The following RINT1 variants were observed in gnomAD, a reference collection of about 807,000 sequenced individuals.
RINT1 encodes the protein RAD50 interactor 1, also known as RAD50-interacting protein 1.
A neutral mutation model predicts 97.7 loss-of-function variants in RINT1; 75 were observed. That is an observed-to-expected ratio of 0.77 (90% CI 0.64 to 0.93). The LOEUF (loss-of-function observed/expected upper bound fraction) is 0.93, where lower values mean the gene tolerates loss of function less well. Among genes scored for constraint, RINT1 ranks in the 40% least tolerant of loss-of-function variants. The pLI is 0.00. For synonymous variants in RINT1, 303 were observed against 326.3 expected (o/e 0.93, Z 0.77); for missense variants, 892 against 925.2 (o/e 0.96, Z 0.47).
chr7:105,556,424 CTTGA>C (rs1449112445), intron 11 of RINT1, among the ~76,000 whole-genome samples: 1 of 151,660 alleles, frequency 6.6e-6, no homozygotes, highest in East Asian at 1.9e-4. Flanking sequence ...CCCCCCAATA[CTTGA>C]TTATTTTGAA....
chr7:105,534,133 C>T (rs1049984841), intron 2 of RINT1, among the ~76,000 whole-genome samples: 3 of 151,754 alleles, frequency 2.0e-5, no homozygotes, highest in African/African-American at 4.8e-5. Flanking sequence ...TGCAGTGGCG[C>T]GATCTCGCCT....
intron 14 of RINT1, 97 bp downstream of exon 14, chr7:105,565,745 T>G (rs1400947940): frequency 2.6e-6 from 2 of 765,148 alleles, no homozygotes; most frequent in Non-Finnish European, 4.3e-6. Context: ...TTGGGTGGGA[T>G]AAGATCAGTT....
chr7:105,562,281 C>T (rs1434818558), intron 11 of RINT1, among the ~76,000 whole-genome samples: 2 of 152,086 alleles, frequency 1.3e-5, no homozygotes, highest in Non-Finnish European at 1.5e-5. Flanking sequence ...GATGAGATCT[C>T]GTTCTTTCAC....
intron 6 of RINT1, among the ~76,000 whole-genome samples, chr7:105,547,718 C>CTTTTTTTTTT (rs34938925): frequency 8.6e-6 from 1 of 116,182 alleles, no homozygotes; most frequent in Non-Finnish European, 1.7e-5. Flanking sequence ...CATTTTTGTG[C>CTTTTTTTTTT]TTTTTTTTTT....
chr7:105,559,996 G>GAT (rs1791369119), intron 11 of RINT1, among the ~76,000 whole-genome samples: 1 of 152,228 alleles, frequency 6.6e-6, no homozygotes, highest in Non-Finnish European at 1.5e-5. Context: ...GTAGGTGACA[G>GAT]ATATGAAATT....
chr7:105,565,326 A>T lies in RINT1; in HGVS notation c.1936A>T (p.Ser646Cys), dbSNP rs1791661472. The T allele has an allele frequency of 6.2e-7, 1 of 1,614,238 alleles. No individual in the cohort carries two copies. Among genetic ancestry groups the T allele is most frequent in the Non-Finnish European group, 8.5e-7 (1 of 1,180,036 alleles). The change falls in exon 13 of 15, where the codon AGT becomes TGT. Residue 646 changes from serine (S) to cysteine (C), a missense_variant. Transcript: ENST00000257700. ...AGAGCAGGCAGTGATGTCCCTGTCC[A>T]GTTCGGCTTGCCCGTTGCTGCTGAC... ...QSEQAVMSLS[S>C]SACPLLLTLR...
At position 105,542,599 on chromosome 7, in the gene RINT1, C is replaced by A. The variant is rs79893877; in HGVS notation, c.465C>A (p.Ile155=). The A allele has an allele frequency of 1.9e-6, 3 of 1,613,976 alleles. No homozygotes were observed. Among genetic ancestry groups the A allele is most frequent in the Admixed American group, 1.7e-5 (1 of 59,974 alleles). Residue 155 remains isoleucine, a synonymous_variant, in exon 4 of 15, where the codon ATC becomes ATA. Coordinates refer to ENST00000257700, the MANE Select transcript of RINT1 (RefSeq NM_021930.6). Reference sequence around the variant, plus strand: ...CCATGATTAGCCAGATTGAAGAGATCGAACGTCATCTTGCTTACCTTAAAT... The same window carrying A: ...CCATGATTAGCCAGATTGAAGAGATAGAACGTCATCTTGCTTACCTTAAAT... ...LGTMISQIEE[I]ERHLAYLKWI...
chr7:105,567,629 A>G lies in RINT1; in HGVS notation c.*318A>G, dbSNP rs1586279938. 2 of 555,400 alleles carry G rather than the reference A, an allele frequency of 3.6e-6. No individual in the cohort carries two copies. The highest frequency in any genetic ancestry group is 5.8e-5 in the East Asian group (2 of 34,570). The allele number at this position is 555,400 out of a possible 1,614,324, so 34.4% of individuals were successfully genotyped here. ...CAATTTCCTGTGCTAATTAAGGGAAATTCTGTTGTGGATAATCAAACATAG... is the reference window on the plus strand; with the variant it reads ...CAATTTCCTGTGCTAATTAAGGGAAGTTCTGTTGTGGATAATCAAACATAG... On this transcript the variant is annotated 3_prime_UTR_variant, in exon 15 of 15. Transcript: ENST00000257700.
At chr7:105,548,758 T>TA in intron 7 of RINT1, 48 bp downstream of exon 7, 1 of 1,526,900 alleles carries the variant, frequency 6.5e-7, no homozygotes, top group Non-Finnish European at 8.9e-7. Context: ...TAACAAATGT[T>TA]AGAGTTTCTA....
At position 105,565,300 on chromosome 7, in the gene RINT1, C is replaced by T. The variant is rs761520355; in HGVS notation, c.1910C>T (p.Ser637Leu). 6 of 1,602,860 alleles carry T rather than the reference C, an allele frequency of 3.7e-6. No homozygotes were observed. In the Admixed American group the frequency reaches 5.1e-5, roughly 14 times the overall value. ...KERWLSLPSQ[S>L]EQAVMSLSSS... ...AGATGGTTGTCCTTGCCATCTCAGT[C>T]AGAGCAGGCAGTGATGTCCCTGTCC... The change falls in exon 13 of 15, where the codon TCA (serine) becomes TTA (leucine). Residue 637 changes from serine (S) to leucine (L), a missense_variant. Transcript: ENST00000257700.
intron 11 of RINT1, 128 bp downstream of exon 11, chr7:105,555,355 A>T: frequency 1.5e-6 from 1 of 663,034 alleles, no homozygotes; most frequent in Non-Finnish European, 2.4e-6. Flanking sequence ...TGCCATAATT[A>T]AAAGGTGTAA....
chr7:105,566,945 C>CT, intron 14 of RINT1, 174 bp from the exon 15 acceptor site: 1 of 404,086 alleles, frequency 2.5e-6, no homozygotes, highest in South Asian at 1.0e-4. Flanking sequence ...AATAGCAACT[C>CT]TGCACCTGTG....
intron 12 of RINT1, 168 bp from the exon 13 acceptor site, chr7:105,565,109 A>G (rs1451377478): frequency 5.9e-6 from 3 of 509,848 alleles, no homozygotes; most frequent in Non-Finnish European, 1.0e-5. Flanking sequence ...GAGTGAAAAT[A>G]TAAATACAGG....
intron 14 of RINT1, chr7:105,566,815 T>C (rs1791772993): frequency 5.6e-6 from 1 of 178,428 alleles, no homozygotes; most frequent in South Asian, 2.0e-4. Context: ...TTTTCCCATG[T>C]TCTAATCTAC....
chr7:105,544,885 ATC>A (rs1164397477), intron 4 of RINT1, among the ~76,000 whole-genome samples: 4 of 150,848 alleles, frequency 2.7e-5, no homozygotes, highest in Non-Finnish European at 5.9e-5. Context: ...TTTTATGATA[ATC>A]TCTCCATTTC....
chr7:105,538,782 A>G (rs905995886), intron 3 of RINT1, among the ~76,000 whole-genome samples: 2 of 152,190 alleles, frequency 1.3e-5, no homozygotes, highest in African/African-American at 2.4e-5. Flanking sequence ...CGACAAATTT[A>G]TGTGCAGTCA....
intron 11 of RINT1, among the ~76,000 whole-genome samples, chr7:105,561,100 GAAAAA>G (rs77538953): frequency 0.36 from 48,047 of 134,610 alleles, 8,602 homozygotes; most frequent in African/African-American, 0.53. Context: ...GAGTTTTAGA[GAAAAA>G]AAAAAAAAAA....
Position 105,532,865 on chromosome 7 carries a change from G to C in RINT1, c.84G>C (p.Glu28Asp), listed in dbSNP as rs1060504807. 3 of 1,614,026 alleles carry C rather than the reference G, an allele frequency of 1.9e-6. No individual in the cohort carries two copies. The Admixed American group carries it at 5.0e-5, about 27-fold the overall frequency. The change falls in exon 2 of 15, where the codon GAG (glutamate) becomes GAC (aspartate). Residue 28 changes from glutamate (E) to aspartate (D), a missense_variant. Physicochemically the swap from Glu to Asp is conservative, Grantham distance 45 (BLOSUM62 2). Transcript: ENST00000257700. Reference protein sequence around the residue: ...ESGDERKNLEEKSDINVTVLI... With the variant: ...ESGDERKNLEDKSDINVTVLI... ...GTGACGAAAGGAAGAACCTCGAGGAGAAAAGTAAGCCAGCTCCAAACACCT... is the reference window on the plus strand; with the variant it reads ...GTGACGAAAGGAAGAACCTCGAGGACAAAAGTAAGCCAGCTCCAAACACCT...
intron 10 of RINT1, among the ~76,000 whole-genome samples, chr7:105,552,916 C>T (rs1790995820): frequency 6.6e-6 from 1 of 151,964 alleles, no homozygotes; most frequent in Admixed American, 6.6e-5. Context: ...TTGTGATCCA[C>T]CTGCCTCGGC....
Sources: gnomAD v4.1 joint callset for allele counts (sites outside exome capture counted in the v4.1 genomes callset) on GRCh38, gnomAD v4.1.1 for gene constraint, MANE v1.5 for transcripts, NCBI Gene and HGNC (gene_info 2026-07-23, HGNC 2026-07-21) for gene names.